SPATA13: variants seen among roughly 807,000 people sequenced by gnomAD.
SPATA13 encodes the protein spermatogenesis-associated protein 13.
A neutral mutation model predicts 104.0 loss-of-function variants in SPATA13; 50 were observed. The ratio of observed to expected loss-of-function variants is 0.48; its 90% confidence interval spans 0.38 to 0.61. SPATA13 has a LOEUF of 0.61. Ranked by LOEUF, SPATA13 falls within the 20% of genes least tolerant of loss-of-function variation. SPATA13 has a pLI of 0.00. For synonymous variants in SPATA13, 606 were observed against 667.5 expected, an observed-to-expected ratio of 0.91 and a Z score of 1.42; for missense variants, 1,524 against 1,690.6, an observed-to-expected ratio of 0.90 and a Z score of 1.73.
intron 1 of SPATA13, among the ~76,000 whole-genome samples, chr13:24,199,957 C>T (rs1870307007): frequency 6.6e-6 from 1 of 152,268 alleles, no homozygotes; most frequent in African/African-American, 2.4e-5. Context: ...GCACTGGAAT[C>T]GGACCATCTG....
intron 1 of SPATA13, among the ~76,000 whole-genome samples, chr13:24,189,403 G>A (rs1869366306): frequency 6.7e-6 from 1 of 150,148 alleles, no homozygotes; most frequent in South Asian, 2.1e-4. Context: ...GAACCCAGGG[G>A]GCGGAGCTTG....
Position 24,029,021 on chromosome 13 carries a change from G to A in SPATA13, c.-112+11320G>A, listed in dbSNP as rs922656018. On this transcript the variant is annotated intron_variant, in intron 3 of 14. Coordinates refer to the SPATA13 transcript ENST00000424834. ...TCTTTCTGCTCTCTTTTGTTTCCTC[G>A]TATGTGGTTTTTTTGTTGTTATAAG... Among the ~76,000 whole-genome samples the A allele has an allele frequency of 4.6e-5, 7 of 151,732 alleles. No homozygotes were observed. The East Asian group carries it at 7.7e-4, about 17-fold the overall frequency.
At chr13:24,298,949 C>G (rs1026663159) in intron 11 of SPATA13, among the ~76,000 whole-genome samples, 1 of 152,152 alleles carries the variant, frequency 6.6e-6, no homozygotes, top group Admixed American at 6.5e-5. Context: ...ACAGGCAGCC[C>G]CTTACACCAA....
rs1187388143 is a variant in SPATA13 at position 24,286,055 on chromosome 13, CTT to C, written c.2302-157_2302-156del. On this transcript the variant is annotated intron_variant, in intron 5 of 12. Coordinates refer to ENST00000382108, the MANE Select transcript of SPATA13 (RefSeq NM_001166271.3). This position sits in a 1 kb window ranked among gnomAD's most constrained non-coding sequence, Gnocchi z 4.9. ...TTCTTAGTCTGTTCTCCTGGGTTCT[CTT>C]TGTGTAACCAGTCACATAGTCAGTG... Among the ~76,000 whole-genome samples, 3 of 152,194 alleles carry C rather than the reference CTT, an allele frequency of 2.0e-5. No homozygotes were observed. Among genetic ancestry groups the C allele is most frequent in the Non-Finnish European group, 2.9e-5 (2 of 68,046 alleles).
chr13:24,216,508 C>G (rs147269613), intron 1 of SPATA13, among the ~76,000 whole-genome samples: 1 of 152,300 alleles, frequency 6.6e-6, no homozygotes, highest in East Asian at 1.9e-4. Context: ...ACTTTCAATT[C>G]ACAAACATTG....
At chr13:24,155,980 A>G (rs1882245704), upstream of SPATA13, among the ~76,000 whole-genome samples, 2 of 152,186 alleles carry the variant, frequency 1.3e-5, no homozygotes, top group Admixed American at 1.3e-4. Flanking sequence ...TAATGTCCTC[A>G]GGGTCCACCT....
Position 24,224,158 on chromosome 13 carries a change from T to G in SPATA13, c.1229T>G (p.Phe410Cys). The change falls in exon 2 of 13, where the codon TTT (phenylalanine) becomes TGT (cysteine). Residue 410 changes from phenylalanine to cysteine, a missense_variant. By Grantham distance (205) the Phe-to-Cys change is radical. Around this residue, in one of 2 missense-constraint regions of SPATA13, gnomAD observed 1,089 missense variants for 1,135.9 expected, o/e 0.96. Coordinates refer to ENST00000382108, the MANE Select transcript of SPATA13 (RefSeq NM_001166271.3). Reference sequence around the variant, plus strand: ...CACCTAGACGCTGACACTGCCGTATTTCCTCTTGAAACCAAAAGTTCCTGG... The same window carrying G: ...CACCTAGACGCTGACACTGCCGTATGTCCTCTTGAAACCAAAAGTTCCTGG... ...GPHLDADTAV[F>C]PLETKSSWAV... 6.4e-7 allele frequency: 1 copy of G among 1,551,732 alleles called. No homozygotes were observed. Among genetic ancestry groups the G allele is most frequent in the South Asian group, 1.2e-5 (1 of 84,052 alleles).
At chr13:24,284,309 A>G in intron 5 of SPATA13, 38 bp downstream of exon 5, 1 of 1,585,624 alleles carries the variant, frequency 6.3e-7, no homozygotes, top group African/African-American at 1.3e-5. Flanking sequence ...GATACGGGAT[A>G]CCTGATTTTC....
intron 2 of SPATA13, among the ~76,000 whole-genome samples, chr13:23,991,958 T>A (rs142936904): frequency 7.2e-4 from 109 of 152,320 alleles, no homozygotes; most frequent in Non-Finnish European, 1.3e-3. Context: ...GTGATGAAGA[T>A]CATGGGGTTA....
At chr13:24,115,308 T>C (rs544544106) in intron 3 of SPATA13, among the ~76,000 whole-genome samples, 2 of 152,216 alleles carry the variant, frequency 1.3e-5, no homozygotes, top group East Asian at 3.9e-4. Context: ...GCCCCGAGAC[T>C]CAGCAGCTTA....
intron 1 of SPATA13, among the ~76,000 whole-genome samples, chr13:24,207,187 G>A (rs1429751989): frequency 6.6e-6 from 1 of 152,210 alleles, no homozygotes; most frequent in Non-Finnish European, 1.5e-5. Flanking sequence ...TGGACACATG[G>A]TGGGGAACAA....
At position 24,303,160 on chromosome 13, in the gene SPATA13, A is replaced by ATGAGGTT. The variant is rs1877330473; in HGVS notation, c.*388_*394dup. ...AGGGCTTTGCAGTTCCTAAGGAGTGATGAGGTTAGAGGATCACTTCTGCAT... is the reference window on the plus strand; with the variant it reads ...AGGGCTTTGCAGTTCCTAAGGAGTGATGAGGTTTGAGGTTAGAGGATCACTTCTGCAT... On this transcript the variant is annotated 3_prime_UTR_variant, in exon 13 of 13. Transcript: ENST00000382108. 1 of 370,814 alleles carries ATGAGGTT rather than the reference A, an allele frequency of 2.7e-6. No homozygotes were observed. Among genetic ancestry groups the ATGAGGTT allele is most frequent in the Non-Finnish European group, 5.3e-6 (1 of 187,934 alleles). The allele number at this position is 370,814 out of a possible 1,614,324, so 23.0% of individuals were successfully genotyped here. A position where few individuals can be genotyped will look rare whatever the true frequency, so the allele number is the denominator to read the frequency against.
chr13:24,058,177 C>T (rs1206057633), intron 3 of SPATA13, among the ~76,000 whole-genome samples: 1 of 151,736 alleles, frequency 6.6e-6, no homozygotes, highest in African/African-American at 2.4e-5. Flanking sequence ...GCCATGAAAC[C>T]AAACCCAGAA....
chr13:24,067,692 G>T (rs1246315966), intron 3 of SPATA13, among the ~76,000 whole-genome samples: 1 of 152,066 alleles, frequency 6.6e-6, no homozygotes, highest in Non-Finnish European at 1.5e-5. Context: ...GACCTAATAT[G>T]CATGATTTCT....
intron 2 of SPATA13, among the ~76,000 whole-genome samples, chr13:24,233,627 A>T (rs867849395): frequency 4.0e-5 from 6 of 149,190 alleles, no homozygotes; most frequent in Non-Finnish European, 7.4e-5. Context: ...AAGTCAGTTT[A>T]AAAAAAAAAG....
intron 3 of SPATA13, chr13:24,123,352 A>G: frequency 7.6e-7 from 1 of 1,314,822 alleles, no homozygotes; most frequent in Non-Finnish European, 1.1e-6. Flanking sequence ...ACTTCACAGA[A>G]ATAGTGAATT....
chr13:24,227,862 G>A (rs755588454), intron 2 of SPATA13, among the ~76,000 whole-genome samples: 2 of 151,926 alleles, frequency 1.3e-5, no homozygotes, highest in Non-Finnish European at 2.9e-5. Context: ...GAGCCACCAC[G>A]CCCGGCCTCA....
intron 1 of SPATA13, among the ~76,000 whole-genome samples, chr13:24,193,001 G>T (rs1397525159): frequency 6.6e-6 from 1 of 152,178 alleles, no homozygotes; most frequent in Non-Finnish European, 1.5e-5. Context: ...GCTCTTTAAG[G>T]TTTTGAGAGA....
chr13:24,098,755 C>T (rs771705540), intron 3 of SPATA13, among the ~76,000 whole-genome samples: 6 of 151,630 alleles, frequency 4.0e-5, no homozygotes, highest in East Asian at 1.9e-4. Flanking sequence ...GGTGAAACCC[C>T]GTCTTTACTA....
Sources: allele counts gnomAD v4.1 joint callset (sites outside exome capture counted in the v4.1 genomes callset), GRCh38; gene constraint gnomAD v4.1.1; regional missense constraint gnomAD v4.1.1; non-coding constraint Gnocchi (gnomAD v3.1); transcripts MANE v1.5; gene names NCBI Gene and HGNC (gene_info 2026-07-23, HGNC 2026-07-21).